The following GRIK5 variants were observed in gnomAD, a reference collection of about 807,000 sequenced individuals.
GRIK5 encodes the protein glutamate receptor ionotropic, kainate 5.
Under a neutral mutation model 97.4 loss-of-function variants are expected in GRIK5, and 43 were observed. That is an observed-to-expected ratio of 0.44 (90% CI 0.35 to 0.57). GRIK5 has a LOEUF of 0.57. Ranked by LOEUF, GRIK5 falls within the 20% of genes least tolerant of loss-of-function variation. The probability of loss-of-function intolerance (pLI) is 0.01; values close to 1 mark genes in which losing one functional copy is unlikely to be tolerated. For synonymous variants in GRIK5, 580 were observed against 583.5 expected (o/e 0.99, Z 0.09); for missense variants, 1,015 against 1,382.0 (o/e 0.73, Z 4.21).
intron 12 of GRIK5, among the ~76,000 whole-genome samples, chr19:42,041,706 G>A (rs1437707441): frequency 6.6e-6 from 1 of 152,124 alleles, no homozygotes; most frequent in Non-Finnish European, 1.5e-5. Context: ...TTCCTCCAGT[G>A]CATCCCACTC....
intron 15 of GRIK5, among the ~76,000 whole-genome samples, chr19:42,019,485 G>A (rs1243535136): frequency 1.3e-5 from 2 of 152,182 alleles, no homozygotes; most frequent in African/African-American, 2.4e-5. Context: ...GGACTGTGTG[G>A]CCGGCAGAAT....
intron 5 of GRIK5, among the ~76,000 whole-genome samples, chr19:42,061,614 C>T (rs1280865728): frequency 1.3e-5 from 2 of 152,220 alleles, no homozygotes; most frequent in Non-Finnish European, 2.9e-5. Flanking sequence ...ACACCATGCC[C>T]GACGTGTGCC....
chr19:42,039,454 G>A (rs530550920), intron 12 of GRIK5, among the ~76,000 whole-genome samples: 29 of 152,316 alleles, frequency 1.9e-4, no homozygotes, highest in African/African-American at 3.8e-4. Flanking sequence ...GCCTGCCTGG[G>A]CAGCAGAGCC....
At chr19:42,033,794 A>C (rs535033451) in intron 12 of GRIK5, among the ~76,000 whole-genome samples, 35 of 152,278 alleles carry the variant, frequency 2.3e-4, no homozygotes, top group Admixed American at 8.5e-4. Flanking sequence ...TGAGGCAAGG[A>C]GTTCAAGACC....
intron 12 of GRIK5, among the ~76,000 whole-genome samples, chr19:42,032,425 G>A (rs1349661654): frequency 6.6e-6 from 1 of 152,178 alleles, no homozygotes; most frequent in Non-Finnish European, 1.5e-5. Context: ...CCATTTGGCA[G>A]TATACACTTA....
At chr19:42,056,891 G>GT in intron 7 of GRIK5, 34 bp downstream of exon 7, 1 of 1,609,836 alleles carries the variant, frequency 6.2e-7, no homozygotes, top group Non-Finnish European at 8.5e-7. Flanking sequence ...TGGGAAGGAA[G>GT]TGGGGGCAGA....
chr19:42,059,240 T>C (rs2076227152), intron 6 of GRIK5, 109 bp downstream of exon 6: 2 of 780,600 alleles, frequency 2.6e-6, no homozygotes, highest in Non-Finnish European at 4.3e-6. Context: ...AAGAAGAAGG[T>C]CTTGAAGCCC....
At position 42,056,780 on chromosome 19, in the gene GRIK5, G is replaced by A. The variant is rs372712217; in HGVS notation, c.785C>T (p.Ser262Phe). The A allele has an allele frequency of 6.2e-7, 1 of 1,614,124 alleles. No homozygotes were observed. The highest frequency in any genetic ancestry group is 8.5e-7 in the Non-Finnish European group (1 of 1,180,016). ...LHLDGIVEDSSNILGFSMFNT... is the reference protein window; with the variant it reads ...LHLDGIVEDSFNILGFSMFNT... ...GAACATGGAGAAGCCCAGGATGTTG[G>A]AGGAGTCCTCCACAATACCGTCCAG... The change falls in exon 8 of 20, where the codon TCC becomes TTC. Residue 262 changes from serine to phenylalanine, a missense_variant. Ser to Phe is a radical substitution (Grantham distance 155). Coordinates refer to ENST00000593562, the MANE Select transcript of GRIK5 (RefSeq NM_002088.5).
chr19:42,047,928 A>C (rs1188032388), intron 11 of GRIK5, among the ~76,000 whole-genome samples: 2 of 147,830 alleles, frequency 1.4e-5, no homozygotes, highest in Admixed American at 1.4e-4. Context: ...CCAAGATCGC[A>C]TGCTACTACA....
chr19:42,056,616 T>A, intron 8 of GRIK5, 46 bp downstream of exon 8: 1 of 1,568,456 alleles, frequency 6.4e-7, no homozygotes, highest in Non-Finnish European at 8.8e-7. Context: ...CCCAGAAGTA[T>A]CTGTGCAGAG....
intron 11 of GRIK5, among the ~76,000 whole-genome samples, chr19:42,045,717 A>C (rs1229661334): frequency 6.6e-6 from 1 of 152,188 alleles, no homozygotes; most frequent in African/African-American, 2.4e-5. Flanking sequence ...CAAGAATGTG[A>C]GATAATACTA....
chr19:41,998,458 G>A lies in GRIK5; in HGVS notation c.*413C>T, dbSNP rs1301406044. On this transcript the variant is annotated 3_prime_UTR_variant, in exon 20 of 20. Coordinates refer to ENST00000593562, the MANE Select transcript of GRIK5 (RefSeq NM_002088.5). Reference sequence around the variant, plus strand: ...TTTCTCCCCCCAAAAAAGAGAGGAAGAGAAGAGTGGAGGGGCACCAGGGGA... The same window carrying A: ...TTTCTCCCCCCAAAAAAGAGAGGAAAAGAAGAGTGGAGGGGCACCAGGGGA... The A allele has an allele frequency of 6.6e-6, 1 of 152,630 alleles. No homozygotes were observed. Among genetic ancestry groups the A allele is most frequent in the African/African-American group, 2.4e-5 (1 of 41,456 alleles). 9.5% of individuals were successfully genotyped at this position (152,630 alleles called of 1,614,324 possible).
chr19:42,069,662 A>T lies in GRIK5; in HGVS notation c.-472T>A, dbSNP rs1417656382. Among the ~76,000 whole-genome samples the T allele has an allele frequency of 7.1e-6, 1 of 140,302 alleles. No individual in the cohort carries two copies. Among genetic ancestry groups the T allele is most frequent in the Non-Finnish European group, 1.6e-5 (1 of 64,088 alleles). 92.0% of individuals were successfully genotyped at this position (140,302 alleles called of 152,430 possible). A position where few individuals can be genotyped will look rare whatever the true frequency, so the allele number is the denominator to read the frequency against. ...CTAGCCGGGCCGGCCTGGGGGGGCC[A>T]CAGGGGGCGAGGACTGGGTGGAGAA... On this transcript the variant is annotated 5_prime_UTR_variant, in exon 1 of 20. Coordinates refer to ENST00000593562, the MANE Select transcript of GRIK5 (RefSeq NM_002088.5).
intron 5 of GRIK5, among the ~76,000 whole-genome samples, chr19:42,060,252 A>C (rs1250112703): frequency 6.6e-6 from 1 of 152,062 alleles, no homozygotes; most frequent in African/African-American, 2.4e-5. Context: ...TAAAAAAAAA[A>C]AAAAGGTACT....
At chr19:42,044,939 A>T (rs1296369694) in intron 11 of GRIK5, among the ~76,000 whole-genome samples, 1 of 152,226 alleles carries the variant, frequency 6.6e-6, no homozygotes, top group Non-Finnish European at 1.5e-5. Context: ...CTCTCTCAAA[A>T]ATAAAATAAA....
At chr19:42,059,558 C>A in intron 5 of GRIK5, 31 bp from the exon 6 acceptor site, 1 of 1,589,832 alleles carries the variant, frequency 6.3e-7, no homozygotes, top group Non-Finnish European at 8.6e-7. Flanking sequence ...TGGGTTGGAG[C>A]CCTTCTGGGT....
Position 42,006,923 on chromosome 19 carries a change from C to T in GRIK5, c.1872-113G>A. On this transcript the variant is annotated intron_variant, in intron 15 of 19. Coordinates refer to ENST00000593562, the MANE Select transcript of GRIK5 (RefSeq NM_002088.5). This position sits in a 1 kb window ranked among gnomAD's most constrained non-coding sequence, Gnocchi z 5.3. ...CCAAGTGACCCCAGCATCTGGAAGACTCAGTGACTGCTGGGTGCAGAAGCG... is the reference window on the plus strand; with the variant it reads ...CCAAGTGACCCCAGCATCTGGAAGATTCAGTGACTGCTGGGTGCAGAAGCG... 2 of 710,890 alleles carry T rather than the reference C, an allele frequency of 2.8e-6. No individual in the cohort carries two copies. Among genetic ancestry groups the T allele is most frequent in the Non-Finnish European group, 4.6e-6 (2 of 438,122 alleles). 44.0% of individuals were successfully genotyped at this position (710,890 alleles called of 1,614,324 possible).
chr19:42,015,647 A>G (rs1231569695), intron 15 of GRIK5, among the ~76,000 whole-genome samples: 1 of 152,170 alleles, frequency 6.6e-6, no homozygotes, highest in African/African-American at 2.4e-5. Context: ...TTCATCCGGC[A>G]CACAGCAAGT....
rs782319653 is a variant in GRIK5, at chr19:42,006,624, G to A, written c.2037+21C>T. 2 of 1,609,892 alleles carry A rather than the reference G, an allele frequency of 1.2e-6. No homozygotes were observed. The highest frequency in any genetic ancestry group is 4.5e-5 in the East Asian group (2 of 44,844). On this transcript the variant is annotated intron_variant, in intron 16 of 19. Transcript: ENST00000593562. The surrounding 1 kb of genome is among the most constrained non-coding windows in gnomAD (Gnocchi z 5.3). ...TGGCAGGGATCCCAACACCACGCCT[G>A]AGAGGTTCTGGTGGCCCCACCTGGA...
Sources: gnomAD v4.1 joint callset for allele counts (sites outside exome capture counted in the v4.1 genomes callset) on GRCh38, gnomAD v4.1.1 for gene constraint, Gnocchi (gnomAD v3.1) non-coding constraint, MANE v1.5 for transcripts, NCBI Gene and HGNC (gene_info 2026-07-23, HGNC 2026-07-21) for gene names.